The following KDM4B variants were observed in gnomAD, a reference collection of about 807,000 sequenced individuals.
The protein encoded by KDM4B is lysine demethylase 4B.
KDM4B carries 32 observed loss-of-function variants against 125.2 expected under a neutral mutation model. The ratio of observed to expected loss-of-function variants is 0.26; its 90% CI spans 0.19 to 0.34. The LOEUF (loss-of-function observed/expected upper bound fraction) is 0.34, where lower values mean the gene tolerates loss of function less well. Ranked by LOEUF, KDM4B falls within the 10% of genes least tolerant of loss-of-function variation. The pLI, the probability that KDM4B is intolerant of heterozygous loss-of-function variation, is 1.00. For synonymous variants in KDM4B, 721 were observed against 677.9 expected, an observed-to-expected ratio of 1.06 and a Z score of -0.99; for missense variants, 1,190 against 1,577.7, an observed-to-expected ratio of 0.75 and a Z score of 4.16.
At chr19:4,999,464 T>G (rs140634641) in intron 1 of KDM4B, among the ~76,000 whole-genome samples, 27 of 152,228 alleles carry the variant, frequency 1.8e-4, no homozygotes, top group Middle Eastern at 3.4e-3. Flanking sequence ...TGGTTCTGTT[T>G]GTGGAGAATG....
At chr19:5,071,143 G>C in intron 7 of KDM4B, 84 bp downstream of exon 7, 1 of 1,301,278 alleles carries the variant, frequency 7.7e-7, no homozygotes, top group South Asian at 1.2e-5. Context: ...GGCGTCCCCC[G>C]GGCTCTGCTG....
At chr19:5,055,841 A>G (rs2037378383) in intron 6 of KDM4B, among the ~76,000 whole-genome samples, 1 of 152,174 alleles carries the variant, frequency 6.6e-6, no homozygotes, top group Non-Finnish European at 1.5e-5. Context: ...AAAAAGTGGG[A>G]AGGTAGTAAC....
chr19:5,132,116 C>T (rs533966719), intron 13 of KDM4B, 109 bp downstream of exon 13: 1 of 1,336,516 alleles, frequency 7.5e-7, no homozygotes, highest in South Asian at 1.5e-5. Flanking sequence ...CTTCCTGGGT[C>T]TCCTCCCCTG....
At chr19:5,149,202 C>A (rs940676072) in intron 21 of KDM4B, among the ~76,000 whole-genome samples, 1 of 152,270 alleles carries the variant, frequency 6.6e-6, no homozygotes. Context: ...CCCGGGCCCC[C>A]CCGCTGCACA....
intron 4 of KDM4B, 134 bp from the exon 5 acceptor site, chr19:5,041,003 G>A (rs2036796585): frequency 1.8e-6 from 1 of 566,580 alleles, no homozygotes. Flanking sequence ...TGGTACCCTA[G>A]GCGGGGCAGC....
At chr19:4,975,639 C>T (rs1371350669) in intron 1 of KDM4B, among the ~76,000 whole-genome samples, 2 of 148,126 alleles carry the variant, frequency 1.4e-5, no homozygotes, top group Non-Finnish European at 3.0e-5. Context: ...GTGGCCCAGG[C>T]TGGGGCGCAG....
chr19:5,092,215 T>C lies in KDM4B; in HGVS notation c.918+9711T>C, dbSNP rs2038723174. ...AGTCTCTCCCTCGGCACTGCGGACA[T>C]TGGGGCCGTATCCTTCTCTGGGCTG... On this transcript the variant is annotated intron_variant, in intron 9 of 22. Transcript: ENST00000159111. 2.6e-5 allele frequency among the ~76,000 whole-genome samples: 4 copies of C among 152,276 alleles called. No individual in the cohort carries two copies. In the South Asian group the frequency reaches 8.3e-4, roughly 32 times the overall value.
At chr19:5,119,195 A>C in intron 10 of KDM4B, 1 of 1,535,092 alleles carries the variant, frequency 6.5e-7, no homozygotes, top group East Asian at 2.4e-5. Context: ...AGGAAGAAAG[A>C]GCAGACCAAA....
rs2038204510 is a variant in KDM4B, at chr19:5,078,882, A to G, written c.780+1412A>G. The G allele has an allele frequency of 6.6e-6, 1 of 152,092 alleles. No homozygotes were observed. The highest frequency in any genetic ancestry group is 2.4e-5 in the African/African-American group (1 of 41,410). The allele number at this position is 152,092 out of a possible 1,614,324, so 9.4% of individuals were successfully genotyped here. ...CAGCTGGTTGCTGGGGCCGGGCGCC[A>G]GTTTCTCCAGAGGCTGCCACAGTGA... On this transcript the variant is annotated intron_variant, in intron 8 of 22. Coordinates refer to ENST00000159111, the MANE Select transcript of KDM4B (RefSeq NM_015015.3). This position sits in a 1 kb window ranked among gnomAD's most constrained non-coding sequence, Gnocchi z 4.5.
intron 1 of KDM4B, among the ~76,000 whole-genome samples, chr19:4,993,308 C>T (rs1225437123): frequency 6.6e-6 from 1 of 151,880 alleles, no homozygotes; most frequent in Non-Finnish European, 1.5e-5. Context: ...ACTCGGGAGG[C>T]TGAGGCACCA....
intron 9 of KDM4B, among the ~76,000 whole-genome samples, chr19:5,083,900 G>A (rs1463158592): frequency 6.6e-6 from 1 of 152,198 alleles, no homozygotes; most frequent in Non-Finnish European, 1.5e-5. Context: ...AGGTGTGATA[G>A]GAGAGACCAC....
Position 5,144,100 on chromosome 19 carries a change from G to A in KDM4B, c.2684G>A (p.Trp895Ter). 2 of 1,603,114 alleles carry A rather than the reference G, an allele frequency of 1.2e-6. No homozygotes were observed. Among genetic ancestry groups the A allele is most frequent in the Non-Finnish European group, 1.7e-6 (2 of 1,171,922 alleles). Reference sequence around the variant, plus strand: ...GGCGTGCTCATGGAGCCGGACGACTGGCCCTATGTGGTCTCCATCACCTGC... The same window carrying A: ...GGCGTGCTCATGGAGCCGGACGACTAGCCCTATGTGGTCTCCATCACCTGC... ...AAGVLMEPDD[W>*]PYVVSITCLK... is the part of the protein sequence containing the mutation. Residue 895 changes from tryptophan (W) to a stop codon, truncating the protein, a stop_gained, in exon 19 of 23, where the codon TGG (tryptophan) becomes TAG (stop). Coordinates refer to ENST00000159111, the MANE Select transcript of KDM4B (RefSeq NM_015015.3). LOFTEE classifies it high-confidence loss of function.
intron 4 of KDM4B, among the ~76,000 whole-genome samples, chr19:5,040,469 G>A (rs72620528): frequency 0.21 from 32,231 of 152,048 alleles, 4,499 homozygotes; most frequent in East Asian, 0.65. Flanking sequence ...GGTACACATG[G>A]CACACGCACG....
intron 10 of KDM4B, among the ~76,000 whole-genome samples, chr19:5,117,867 G>T (rs2039287877): frequency 6.6e-6 from 1 of 152,180 alleles, no homozygotes; most frequent in Non-Finnish European, 1.5e-5. Flanking sequence ...GAGTCATTGT[G>T]GTGGGCCATG....
chr19:5,128,871 G>GT (rs1568314655), intron 11 of KDM4B, among the ~76,000 whole-genome samples: 1 of 113,294 alleles, frequency 8.8e-6, no homozygotes, highest in Non-Finnish European at 1.9e-5. Context: ...GGGGGGGGGG[G>GT]TCATATAACA....
At chr19:5,144,638 C>T (rs1171452580) in intron 20 of KDM4B, 145 bp from the exon 21 acceptor site, 33 of 1,215,848 alleles carry the variant, frequency 2.7e-5, no homozygotes, top group Middle Eastern at 2.9e-4. Context: ...GGCTCTGCAC[C>T]GCCCCGCTAC....
chr19:5,090,226 T>G (rs1313096212), intron 9 of KDM4B, among the ~76,000 whole-genome samples: 1 of 151,998 alleles, frequency 6.6e-6, no homozygotes, highest in Non-Finnish European at 1.5e-5. Context: ...ACAGCAGGCT[T>G]GCCTCCCTAG....
intron 10 of KDM4B, among the ~76,000 whole-genome samples, chr19:5,116,799 G>A (rs1346870458): frequency 6.6e-6 from 1 of 152,202 alleles, no homozygotes; most frequent in African/African-American, 2.4e-5. Flanking sequence ...GGGCATAAAA[G>A]CGTAAACGTG....
At chr19:5,012,430 T>G (rs2035757993) in intron 1 of KDM4B, among the ~76,000 whole-genome samples, 1 of 152,084 alleles carries the variant, frequency 6.6e-6, no homozygotes, top group South Asian at 2.1e-4. Context: ...TGGACTGTTT[T>G]CTGTCCCAGG....
Sources: allele counts gnomAD v4.1 joint callset (sites outside exome capture counted in the v4.1 genomes callset), GRCh38; gene constraint gnomAD v4.1.1; non-coding constraint Gnocchi (gnomAD v3.1); transcripts MANE v1.5; gene names NCBI Gene and HGNC (gene_info 2026-07-23, HGNC 2026-07-21).